Variants in XKR7 observed in about 807,000 individuals in gnomAD.
XKR7 encodes XK related 7.
Under a neutral mutation model 42.2 loss-of-function variants are expected in XKR7, and 11 were observed. That is an observed-to-expected ratio of 0.26 (90% CI 0.16 to 0.43). The LOEUF (loss-of-function observed/expected upper bound fraction) is 0.43. XKR7 is among the 20% of genes least tolerant of loss of function. The pLI, the probability that XKR7 is intolerant of heterozygous loss-of-function variation, is 1.00. For synonymous variants in XKR7, 346 were observed against 366.4 expected (o/e 0.94, Z 0.64); for missense variants, 710 against 802.2 (o/e 0.89, Z 1.39).
In XKR7 at chr20:31,995,378, G is replaced by C. The variant is rs6061079; in HGVS notation, c.787+108G>C. The C allele has an allele frequency of 0.24, 361,876 of 1,500,284 alleles. 45,236 individuals are homozygous for C. The highest frequency in any genetic ancestry group is 0.36 in the Middle Eastern group (1,510 of 4,222). The allele number at this position is 1,500,284 out of a possible 1,614,324, so 92.9% of individuals were successfully genotyped here. A position where few individuals can be genotyped will look rare whatever the true frequency, so the allele number is the denominator to read the frequency against. On this transcript the variant is annotated intron_variant, in intron 2 of 2. Coordinates refer to ENST00000562532, the MANE Select transcript of XKR7 (RefSeq NM_001011718.2). The surrounding 1 kb of genome is among the most constrained non-coding windows in gnomAD (Gnocchi z 4.1). ...GTGGGCTTCCCCACCCCAGCTCAGGGCTCACTCAGTCAGGGTTTAGGGAGG... is the reference window on the plus strand; with the variant it reads ...GTGGGCTTCCCCACCCCAGCTCAGGCCTCACTCAGTCAGGGTTTAGGGAGG...
chr20:31,971,116 A>G (rs191566982), intron 1 of XKR7, among the ~76,000 whole-genome samples: 1 of 152,350 alleles, frequency 6.6e-6, no homozygotes, highest in East Asian at 1.9e-4. Context: ...ATAGAAAGTC[A>G]GGGCTTCTGT....
chr20:31,976,536 C>A (rs927705804), intron 1 of XKR7, among the ~76,000 whole-genome samples: 2 of 151,880 alleles, frequency 1.3e-5, no homozygotes, highest in Non-Finnish European at 2.9e-5. Context: ...ATGTGCCCAC[C>A]CCCACACCCA....
chr20:31,995,236 G>A lies in XKR7; in HGVS notation c.753G>A (p.Leu251=), dbSNP rs756616761. 1.4e-5 allele frequency: 22 copies of A among 1,540,334 alleles called. No individual in the cohort carries two copies. The highest frequency in any genetic ancestry group is 1.7e-5 in the Non-Finnish European group (19 of 1,146,144). The stretch of plus-strand genomic sequence containing the variant: ...AGCTAGTGCTGCAGCTCAGCCTGCT[G>A]GTGCACCGCGGTGGCGCGCCCGACC... ...APQLVLQLSL[L]VHRGGAPDLL... Residue 251 remains leucine (L), a synonymous_variant, in exon 2 of 3, where the codon CTG becomes CTA. Coordinates refer to ENST00000562532, the MANE Select transcript of XKR7 (RefSeq NM_001011718.2). This position sits in a 1 kb window ranked among gnomAD's most constrained non-coding sequence, Gnocchi z 4.1.
chr20:31,988,263 C>T (rs2122271292), intron 1 of XKR7, among the ~76,000 whole-genome samples: 1 of 152,212 alleles, frequency 6.6e-6, no homozygotes, highest in East Asian at 1.9e-4. Flanking sequence ...GTCCTTTTCC[C>T]CTCCTGCCCA....
At chr20:31,974,230 A>G (rs890432075) in intron 1 of XKR7, among the ~76,000 whole-genome samples, 3 of 152,108 alleles carry the variant, frequency 2.0e-5, no homozygotes, top group Non-Finnish European at 4.4e-5. Context: ...AATAGACTGG[A>G]GGGAGGCAGA....
intron 1 of XKR7, among the ~76,000 whole-genome samples, chr20:31,973,797 G>A (rs563886758): frequency 6.6e-6 from 1 of 152,170 alleles, no homozygotes; most frequent in South Asian, 2.1e-4. Context: ...AAGGACTAGG[G>A]CTTTTACTCT....
chr20:31,992,962 C>A (rs1312108159), intron 1 of XKR7, among the ~76,000 whole-genome samples: 1 of 152,044 alleles, frequency 6.6e-6, no homozygotes, highest in Admixed American at 6.6e-5. Context: ...TAGAGTGAGT[C>A]CCCTGGTTCC....
chr20:31,982,062 T>G (rs754568), intron 1 of XKR7, among the ~76,000 whole-genome samples: 24,363 of 152,244 alleles, frequency 0.16, 2,115 homozygotes, highest in Non-Finnish European at 0.18. Flanking sequence ...TTGGAGCATT[T>G]CTGGAGCCCA....
chr20:31,983,597 A>T (rs894503515), intron 1 of XKR7, among the ~76,000 whole-genome samples: 1 of 152,136 alleles, frequency 6.6e-6, no homozygotes, highest in Non-Finnish European at 1.5e-5. Context: ...GGTCCCCGGG[A>T]GGGACAAAGG....
chr20:31,991,216 C>T (rs919348661), intron 1 of XKR7, among the ~76,000 whole-genome samples: 1 of 152,314 alleles, frequency 6.6e-6, no homozygotes, highest in Middle Eastern at 3.4e-3. Flanking sequence ...CTGAGAGAAA[C>T]TTCCAGGGTG....
intron 1 of XKR7, among the ~76,000 whole-genome samples, chr20:31,974,598 A>C (rs2064477399): frequency 6.6e-6 from 1 of 152,242 alleles, no homozygotes; most frequent in South Asian, 2.1e-4. Flanking sequence ...CAGTGCCTGG[A>C]ACATAGGAAG....
chr20:31,968,883 C>A lies in XKR7; in HGVS notation c.584+124C>A. On this transcript the variant is annotated intron_variant, in intron 1 of 2. Transcript: ENST00000562532. The surrounding 1 kb of genome is among the most constrained non-coding windows in gnomAD (Gnocchi z 4.5). Reference sequence around the variant, plus strand: ...TCCTGTCCTGACCTCCCCCCCTCCCCACCCCATTGCAGCTCTAATTTCTTC... The same window carrying A: ...TCCTGTCCTGACCTCCCCCCCTCCCAACCCCATTGCAGCTCTAATTTCTTC... The A allele has an allele frequency of 7.3e-7, 1 of 1,372,574 alleles. No homozygotes were observed. The highest frequency in any genetic ancestry group is 9.5e-7 in the Non-Finnish European group (1 of 1,048,258). 85.0% of individuals were successfully genotyped at this position (1,372,574 alleles called of 1,614,324 possible). A position where few individuals can be genotyped will look rare whatever the true frequency, so the allele number is the denominator to read the frequency against.
In XKR7 at chr20:31,998,090, G is replaced by A. The variant is rs774566250; in HGVS notation, c.*633G>A. On this transcript the variant is annotated 3_prime_UTR_variant, in exon 3 of 3. Coordinates refer to ENST00000562532, the MANE Select transcript of XKR7 (RefSeq NM_001011718.2). ...GGATAGGAGAAAGAACTGGGGGGGGGGTCTAGGCTGGCAGAAGCATGGAGG... is the reference window on the plus strand; with the variant it reads ...GGATAGGAGAAAGAACTGGGGGGGGAGTCTAGGCTGGCAGAAGCATGGAGG... 1 of 126,988 alleles carries A rather than the reference G, an allele frequency of 7.9e-6. No homozygotes were observed. Among genetic ancestry groups the A allele is most frequent in the Non-Finnish European group, 1.7e-5 (1 of 60,282 alleles). The allele number at this position is 126,988 out of a possible 1,614,324, so 7.9% of individuals were successfully genotyped here.
At chr20:31,977,478 C>T (rs2064490755) in intron 1 of XKR7, among the ~76,000 whole-genome samples, 1 of 152,148 alleles carries the variant, frequency 6.6e-6, no homozygotes, top group South Asian at 2.1e-4. Context: ...CCTGTCTCAT[C>T]TGTGAAATGG....
Position 31,968,389 on chromosome 20 carries a change from G to T in XKR7, c.214G>T (p.Ala72Ser). ...CALLVFFSDG[A>S]TDLWLAASYY... ...GCTGCTCGTGTTCTTCTCCGACGGTGCCACGGACCTGTGGCTGGCGGCCTC... is the reference window on the plus strand; with the variant it reads ...GCTGCTCGTGTTCTTCTCCGACGGTTCCACGGACCTGTGGCTGGCGGCCTC... The change falls in exon 1 of 3, where the codon GCC becomes TCC. Residue 72 changes from alanine (A) to serine (S), a missense_variant. By Grantham distance (99) the Ala-to-Ser change is moderately conservative (BLOSUM62 1). This residue lies in a region of XKR7 where 708 missense variants were observed against 786.2 expected (regional missense o/e 0.90). Transcript: ENST00000562532. The surrounding 1 kb of genome is among the most constrained non-coding windows in gnomAD (Gnocchi z 4.5). 6.2e-7 allele frequency: 1 copy of T among 1,613,246 alleles called. No individual in the cohort carries two copies.
chr20:31,985,364 A>C (rs2064532916), intron 1 of XKR7, among the ~76,000 whole-genome samples: 2 of 152,166 alleles, frequency 1.3e-5, no homozygotes, highest in Non-Finnish European at 2.9e-5. Context: ...ACACTCGGAA[A>C]TGCTGAGACC....
intron 1 of XKR7, among the ~76,000 whole-genome samples, chr20:31,975,463 G>T (rs1017943805): frequency 6.6e-6 from 1 of 152,024 alleles, no homozygotes; most frequent in African/African-American, 2.4e-5. Flanking sequence ...GTGAAATTCT[G>T]CACGTCCTTC....
chr20:31,980,456 C>G (rs2122259513), intron 1 of XKR7, among the ~76,000 whole-genome samples: 1 of 152,296 alleles, frequency 6.6e-6, no homozygotes, highest in South Asian at 2.1e-4. Flanking sequence ...CCTAGAGAAC[C>G]CATAGACCAG....
At chr20:31,979,425 A>G (rs2064501109) in intron 1 of XKR7, among the ~76,000 whole-genome samples, 3 of 152,236 alleles carry the variant, frequency 2.0e-5, no homozygotes, top group South Asian at 2.1e-4. Context: ...TATTGTGAAC[A>G]TTTCCAAATT....
Sources: gnomAD v4.1 joint callset for allele counts (sites outside exome capture counted in the v4.1 genomes callset) on GRCh38, gnomAD v4.1.1 for gene constraint, gnomAD v4.1.1 regional missense constraint, Gnocchi (gnomAD v3.1) non-coding constraint, MANE v1.5 for transcripts, NCBI Gene and HGNC (gene_info 2026-07-23, HGNC 2026-07-21) for gene names.